Variants in TEX9 observed in about 807,000 individuals in gnomAD.
TEX9 encodes the protein testis-expressed protein 9.
In TEX9, 74 loss-of-function variants were observed where a neutral mutation model predicts 59.6. That is an observed-to-expected ratio of 1.24 (90% CI 1.03 to 1.51). The LOEUF is 1.51. Among genes scored for constraint, TEX9 ranks in the 40% most tolerant of loss-of-function variants. The pLI, the probability that TEX9 is intolerant of heterozygous loss-of-function variation, is 0.00. For missense variants in TEX9, 522 were observed against 447.8 expected, an observed-to-expected ratio of 1.17 and a Z score of -1.49; for synonymous variants, 186 against 152.2, an observed-to-expected ratio of 1.22 and a Z score of -1.64.
At chr15:56,264,020 G>T (rs1266893077) in intron 1 of TEX9, among the ~76,000 whole-genome samples, 2 of 152,106 alleles carry the variant, frequency 1.3e-5, no homozygotes, top group African/African-American at 2.4e-5. Flanking sequence ...CCAGTCTTTG[G>T]TGACTTTGGA....
chr15:56,273,047 G>A (rs760310606), intron 1 of TEX9, among the ~76,000 whole-genome samples: 1 of 151,732 alleles, frequency 6.6e-6, no homozygotes, highest in Admixed American at 6.6e-5. Flanking sequence ...TCCGCCTCCC[G>A]AGTTCAAGCA....
chr15:56,342,707 C>G (rs12443459), intron 1 of TEX9, among the ~76,000 whole-genome samples: 6,683 of 152,212 alleles, frequency 0.044, 224 homozygotes, highest in Admixed American at 0.086. Context: ...GACTGAAACA[C>G]AACCCACAAG....
chr15:56,251,352 A>G (rs1170543593), intron 1 of TEX9, among the ~76,000 whole-genome samples: 1 of 152,134 alleles, frequency 6.6e-6, no homozygotes, highest in Non-Finnish European at 1.5e-5. Context: ...GGCTCTGTTG[A>G]TGTAAGCTTC....
chr15:56,323,903 G>C (rs903265050), intron 1 of TEX9, among the ~76,000 whole-genome samples: 6 of 151,988 alleles, frequency 3.9e-5, no homozygotes, highest in African/African-American at 1.2e-4. Context: ...GAAATGTAAG[G>C]CTCTGTAAGG....
Position 56,355,865 on chromosome 15 carries a change from C to A in TEX9, c.-106-17576C>A, listed in dbSNP as rs187153153. 1.1e-3 allele frequency among the ~76,000 whole-genome samples: 165 copies of A among 151,934 alleles called. No individual in the cohort carries two copies. The East Asian group carries it at 0.014, about 13-fold the overall frequency. ...AAAATTTGATTTCCAATTGTTCATA[C>A]TAATTATGAACATACTAATTATGAA... On this transcript the variant is annotated intron_variant, in intron 1 of 5. Transcript: ENST00000560827.
intron 1 of TEX9, among the ~76,000 whole-genome samples, chr15:56,351,934 C>G (rs2725864): frequency 0.49 from 74,326 of 151,942 alleles, 18,306 homozygotes; most frequent in South Asian, 0.64. Flanking sequence ...TTTTATTTAA[C>G]TCCCAGTACA....
chr15:56,433,196 A>G (rs759027455), intron 12 of TEX9, among the ~76,000 whole-genome samples: 5 of 149,198 alleles, frequency 3.4e-5, no homozygotes, highest in Non-Finnish European at 1.5e-5. Flanking sequence ...GTCACCCATT[A>G]AAGATGGAAG....
upstream of TEX9, chr15:56,365,351 G>A (rs1037762974): frequency 3.7e-4 from 544 of 1,467,798 alleles, 1 homozygote; most frequent in Non-Finnish European, 4.7e-4. Context: ...GAACCTGAGA[G>A]TGGGAAGGCG....
At chr15:56,427,771 T>A (rs2050379823) in intron 11 of TEX9, 32 bp downstream of exon 11, 3 of 1,409,368 alleles carry the variant, frequency 2.1e-6, no homozygotes, top group Non-Finnish European at 2.8e-6. Flanking sequence ...AATCATCATA[T>A]TATTTGTAAC....
chr15:56,393,485 G>T (rs149993759), intron 7 of TEX9, among the ~76,000 whole-genome samples: 1 of 152,248 alleles, frequency 6.6e-6, no homozygotes, highest in East Asian at 1.9e-4. Context: ...ATTCCATGAT[G>T]GTAAGGGTTG....
intron 1 of TEX9, among the ~76,000 whole-genome samples, chr15:56,269,784 G>C (rs1366067622): frequency 6.6e-6 from 1 of 151,390 alleles, no homozygotes; most frequent in Non-Finnish European, 1.5e-5. Context: ...CTCTCAAGTA[G>C]CTGGGACTAC....
intron 4 of TEX9, among the ~76,000 whole-genome samples, chr15:56,385,407 T>C (rs1365983837): frequency 3.3e-5 from 5 of 152,110 alleles, no homozygotes; most frequent in Non-Finnish European, 7.4e-5. Flanking sequence ...GATACAATTT[T>C]TCAGTGGATT....
intron 7 of TEX9, chr15:56,393,710 G>T (rs146575569): frequency 1.6e-3 from 242 of 153,342 alleles, no homozygotes; most frequent in East Asian, 3.1e-3. Context: ...AGGTATTAGT[G>T]TATTTCTTTG....
intron 1 of TEX9, among the ~76,000 whole-genome samples, chr15:56,264,392 C>G (rs576450925): frequency 6.6e-6 from 1 of 152,320 alleles, no homozygotes; most frequent in South Asian, 2.1e-4. Flanking sequence ...CATACAGTAT[C>G]TGCTCAAATC....
chr15:56,314,916 G>A (rs1198947938), intron 1 of TEX9, among the ~76,000 whole-genome samples: 1 of 151,478 alleles, frequency 6.6e-6, no homozygotes, highest in Non-Finnish European at 1.5e-5. Flanking sequence ...GGCCTTCTTT[G>A]TCTCTTTTGA....
chr15:56,281,956 T>C (rs2044829617), intron 1 of TEX9, among the ~76,000 whole-genome samples: 2 of 152,226 alleles, frequency 1.3e-5, no homozygotes, highest in Admixed American at 6.5e-5. Context: ...TCTTCATTTA[T>C]AACTTTCTCA....
chr15:56,275,758 C>G (rs2044652891), intron 1 of TEX9, among the ~76,000 whole-genome samples: 1 of 151,890 alleles, frequency 6.6e-6, no homozygotes, highest in South Asian at 2.1e-4. Context: ...CTGAACTGTA[C>G]TTTTTCTAAA....
chr15:56,262,921 C>T (rs909073897), intron 1 of TEX9, among the ~76,000 whole-genome samples: 2 of 152,190 alleles, frequency 1.3e-5, no homozygotes. Flanking sequence ...TAACCACAAA[C>T]TTTCTTTAGG....
chr15:56,246,965 G>C (rs1176816442), intron 1 of TEX9, among the ~76,000 whole-genome samples: 1 of 152,200 alleles, frequency 6.6e-6, no homozygotes, highest in African/African-American at 2.4e-5. Flanking sequence ...TCCACATTTA[G>C]AGAGTATCTA....
Sources: allele counts gnomAD v4.1 joint callset (sites outside exome capture counted in the v4.1 genomes callset), GRCh38; gene constraint gnomAD v4.1.1; transcripts MANE v1.5; gene names NCBI Gene and HGNC (gene_info 2026-07-23, HGNC 2026-07-21).